The following FRMPD4 variants were observed in gnomAD, a reference collection of about 807,000 sequenced individuals.
FRMPD4 encodes FERM and PDZ domain containing 4, also known as FERM and PDZ domain-containing protein 4.
Under a neutral mutation model 94.1 loss-of-function variants are expected in FRMPD4, and 22 were observed. That is an observed-to-expected ratio of 0.23 (90% confidence interval 0.17 to 0.33). FRMPD4 has a LOEUF of 0.33. Ranked by LOEUF, FRMPD4 falls within the 10% of genes least tolerant of loss-of-function variation. The pLI is 1.00. For synonymous variants in FRMPD4, 631 were observed against 548.6 expected, an observed-to-expected ratio of 1.15 and a Z score of -2.10; for missense variants, 1,111 against 1,339.9, an observed-to-expected ratio of 0.83 and a Z score of 2.67.
intron 4 of FRMPD4, among the ~76,000 whole-genome samples, chrX:12,630,701 T>G (rs1426687756): frequency 8.9e-6 from 1 of 111,755 alleles, no homozygotes; most frequent in African/African-American, 3.3e-5. Flanking sequence ...GCACTCATAT[T>G]TTTACCCACT....
At chrX:12,542,243 A>T (rs1218206491) in intron 2 of FRMPD4, among the ~76,000 whole-genome samples, 1 of 111,456 alleles carries the variant, frequency 9.0e-6, no homozygotes, top group Non-Finnish European at 1.9e-5. Context: ...GGCCAGGGCA[A>T]TCAGGCAGCA....
intron 1 of FRMPD4, among the ~76,000 whole-genome samples, chrX:12,144,213 G>T (rs1052123662): frequency 2.5e-4 from 28 of 112,156 alleles, no homozygotes; most frequent in African/African-American, 8.7e-4. Flanking sequence ...GAGGAATGGA[G>T]GTAGGCTGTA....
intron 1 of FRMPD4, among the ~76,000 whole-genome samples, chrX:12,356,826 C>G (rs184804336): frequency 2.0e-4 from 22 of 111,614 alleles, no homozygotes; most frequent in Non-Finnish European, 3.0e-4. Flanking sequence ...AGAACATTTC[C>G]ATTATCTCAG....
intron 1 of FRMPD4, among the ~76,000 whole-genome samples, chrX:12,320,511 G>A (rs1449416988): frequency 1.8e-5 from 2 of 111,763 alleles, no homozygotes; most frequent in Non-Finnish European, 1.9e-5. Context: ...CTTGCTTGAG[G>A]AAAACTTCTG....
intron 1 of FRMPD4, among the ~76,000 whole-genome samples, chrX:12,335,792 C>T (rs1025106556): frequency 1.2e-4 from 13 of 112,329 alleles, no homozygotes; most frequent in African/African-American, 4.2e-4. Context: ...TTCATTTATG[C>T]CTTTCCCCAA....
chrX:12,539,502 T>A (rs1347577737), intron 2 of FRMPD4, among the ~76,000 whole-genome samples: 1 of 111,553 alleles, frequency 9.0e-6, no homozygotes. Flanking sequence ...TCACCAAAGT[T>A]GAAATGAAGG....
intron 3 of FRMPD4, among the ~76,000 whole-genome samples, chrX:11,924,664 C>T (rs1424344207): frequency 8.9e-6 from 1 of 112,033 alleles, no homozygotes. Context: ...AATTAAGCTT[C>T]ATAAGCGAAG....
chrX:12,084,064 A>G (rs2055083758), intron 3 of FRMPD4, among the ~76,000 whole-genome samples: 1 of 108,693 alleles, frequency 9.2e-6, no homozygotes, highest in South Asian at 4.1e-4. Flanking sequence ...ATGTAAGGAC[A>G]TGAGATTTGG....
At chrX:11,910,122 T>C (rs996953029) in intron 3 of FRMPD4, among the ~76,000 whole-genome samples, 1 of 111,761 alleles carries the variant, frequency 8.9e-6, no homozygotes, top group South Asian at 3.7e-4. Flanking sequence ...TCTCCAACTA[T>C]AATTTTTGAT....
chrX:12,501,866 G>A (rs1161568951), intron 2 of FRMPD4, among the ~76,000 whole-genome samples: 1 of 111,651 alleles, frequency 9.0e-6, no homozygotes, highest in Non-Finnish European at 1.9e-5. Context: ...AGTTCAAAAT[G>A]TGCTCAAGTT....
chrX:12,717,788 C>A lies in FRMPD4; in HGVS notation c.2962C>A (p.Gln988Lys). The A allele has an allele frequency of 8.3e-7, 1 of 1,211,783 alleles. No homozygotes were observed. Among genetic ancestry groups the A allele is most frequent in the South Asian group, 1.8e-5 (1 of 57,013 alleles). ...DLPPKVVPSK[Q>K]LLHSDHMEME... ...CCCGCCCAAAGTTGTGCCTTCCAAG[C>A]AGTTACTTCACTCAGACCACATGGA... is the stretch of plus-strand genomic sequence containing the variant. Residue 988 changes from glutamine to lysine, a missense_variant, in exon 16 of 17, where the codon CAG (glutamine) becomes AAG (lysine). Gln to Lys is a moderately conservative substitution (Grantham distance 53). Transcript: ENST00000675598.
At chrX:12,674,930 G>C in intron 5 of FRMPD4, 22 bp downstream of exon 5, 1 of 1,038,230 alleles carries the variant, frequency 9.6e-7, no homozygotes. Flanking sequence ...GTGAATAAAA[G>C]TGCCACTTAA....
intron 2 of FRMPD4, among the ~76,000 whole-genome samples, chrX:12,499,478 A>C (rs774303737): frequency 8.9e-6 from 1 of 112,354 alleles, no homozygotes; most frequent in South Asian, 3.7e-4. Context: ...GAACTTTTTC[A>C]TGATACCCGA....
rs1257892237 is a variant in FRMPD4 at position 12,718,045 on chromosome X, T to C, written c.3219T>C (p.Ser1073=). 1 of 1,211,137 alleles carries C rather than the reference T, an allele frequency of 8.3e-7. No individual in the cohort carries two copies. The highest frequency in any genetic ancestry group is 1.1e-6 in the Non-Finnish European group (1 of 894,931). ...TTGGTACTGTGTCTTCACGAGACAGTCAACACCTGAGCACTTTTAATCTGG... is the reference window on the plus strand; with the variant it reads ...TTGGTACTGTGTCTTCACGAGACAGCCAACACCTGAGCACTTTTAATCTGG... The part of the protein sequence containing the change: ...GKFGTVSSRD[S]QHLSTFNLER... The change falls in exon 16 of 17, where the codon AGT becomes AGC. Residue 1073 remains serine, a synonymous_variant. Coordinates refer to ENST00000675598, the MANE Select transcript of FRMPD4 (RefSeq NM_001368397.1).
chrX:12,057,460 A>G (rs1444254126), intron 3 of FRMPD4, among the ~76,000 whole-genome samples: 1 of 112,053 alleles, frequency 8.9e-6, no homozygotes, highest in Non-Finnish European at 1.9e-5. Context: ...AGATATTCTA[A>G]GAGAATGTAT....
chrX:12,719,693 C>T (rs902691315), intron 16 of FRMPD4, among the ~76,000 whole-genome samples: 3 of 111,658 alleles, frequency 2.7e-5, no homozygotes, highest in Non-Finnish European at 3.8e-5. Context: ...GTGAATATCA[C>T]CTAACTCATC....
chrX:12,003,452 C>T (rs1185629828), intron 3 of FRMPD4, among the ~76,000 whole-genome samples: 3 of 110,737 alleles, frequency 2.7e-5, no homozygotes, highest in African/African-American at 9.9e-5. Flanking sequence ...CTTGTTCTGT[C>T]ACTCATGCTG....
chrX:12,518,499 A>T (rs1229869083), intron 2 of FRMPD4, among the ~76,000 whole-genome samples: 1 of 112,486 alleles, frequency 8.9e-6, no homozygotes, highest in Non-Finnish European at 1.9e-5. Flanking sequence ...AAAGCATTTG[A>T]TAAGATTCAA....
chrX:11,864,961 A>G (rs920703713), intron 1 of FRMPD4, among the ~76,000 whole-genome samples: 1 of 112,003 alleles, frequency 8.9e-6, no homozygotes, highest in African/African-American at 3.2e-5. Flanking sequence ...AAGGACATCC[A>G]TTTGTGATGT....
Sources: gnomAD v4.1 joint callset for allele counts (sites outside exome capture counted in the v4.1 genomes callset) on GRCh38, gnomAD v4.1.1 for gene constraint, MANE v1.5 for transcripts, NCBI Gene and HGNC (gene_info 2026-07-23, HGNC 2026-07-21) for gene names.